Variants in ZNF385D observed in about 807,000 individuals in gnomAD.
ZNF385D encodes zinc finger protein 385D.
ZNF385D carries 15 observed loss-of-function variants against 35.8 expected under a neutral mutation model. That is an observed-to-expected ratio of 0.42 (90% CI 0.28 to 0.64). The LOEUF (loss-of-function observed/expected upper bound fraction) is 0.64. Ranked by LOEUF, ZNF385D falls within the 30% of genes least tolerant of loss-of-function variation. The pLI, the probability that ZNF385D is intolerant of heterozygous loss-of-function variation, is 0.23. For missense variants in ZNF385D, 474 were observed against 494.6 expected (o/e 0.96, Z 0.39); for synonymous variants, 212 against 186.8 (o/e 1.13, Z -1.10).
chr3:21,705,713 G>C (rs1357446601), intron 1 of ZNF385D, among the ~76,000 whole-genome samples: 1 of 152,186 alleles, frequency 6.6e-6, no homozygotes, highest in East Asian at 1.9e-4. Context: ...CCTTCTCTGT[G>C]TTCCATTGCT....
At chr3:22,209,334 G>T (rs1357108376) in intron 2 of ZNF385D, among the ~76,000 whole-genome samples, 2 of 151,832 alleles carry the variant, frequency 1.3e-5, no homozygotes, top group Admixed American at 6.6e-5. Flanking sequence ...CTTAATAGTG[G>T]AAAGTAATTA....
chr3:21,581,364 C>T (rs183597358), intron 2 of ZNF385D, among the ~76,000 whole-genome samples: 41 of 152,234 alleles, frequency 2.7e-4, no homozygotes, highest in Non-Finnish European at 2.5e-4. Context: ...GTCGGCAAAG[C>T]TAATACAGTC....
chr3:22,265,380 A>C (rs564949026), intron 2 of ZNF385D, among the ~76,000 whole-genome samples: 77 of 152,144 alleles, frequency 5.1e-4, no homozygotes, highest in African/African-American at 1.7e-3. Context: ...AAATTACAAA[A>C]AATTTTTGTG....
At chr3:22,138,702 A>T (rs193185706) in intron 3 of ZNF385D, among the ~76,000 whole-genome samples, 1,563 of 152,224 alleles carry the variant, frequency 0.01, 29 homozygotes, top group African/African-American at 0.035. Context: ...TAGACCTAAA[A>T]CCATAAAAAC....
At chr3:22,271,149 C>T (rs1299224378) in intron 2 of ZNF385D, among the ~76,000 whole-genome samples, 1 of 151,892 alleles carries the variant, frequency 6.6e-6, no homozygotes, top group Non-Finnish European at 1.5e-5. Context: ...TACCCACATT[C>T]ATTGATTTTA....
chr3:21,855,852 T>C (rs939479243), intron 3 of ZNF385D, among the ~76,000 whole-genome samples: 1 of 149,306 alleles, frequency 6.7e-6, no homozygotes, highest in Non-Finnish European at 1.5e-5. Context: ...GTGACAACTA[T>C]AATATCCTAT....
At chr3:21,680,802 C>G (rs979891122) in intron 1 of ZNF385D, among the ~76,000 whole-genome samples, 5 of 151,636 alleles carry the variant, frequency 3.3e-5, no homozygotes, top group Admixed American at 3.3e-4. Flanking sequence ...ATTAGTCTAG[C>G]CAAAATTTTA....
At chr3:22,010,103 A>C (rs542851254) in intron 3 of ZNF385D, among the ~76,000 whole-genome samples, 10 of 152,260 alleles carry the variant, frequency 6.6e-5, no homozygotes, top group African/African-American at 1.9e-4. Flanking sequence ...AGCCTATTAA[A>C]GGAAGAAAAA....
intron 1 of ZNF385D, among the ~76,000 whole-genome samples, chr3:21,695,992 G>A (rs1388436969): frequency 1.3e-5 from 2 of 152,076 alleles, no homozygotes; most frequent in Non-Finnish European, 1.5e-5. Flanking sequence ...CATCATAACA[G>A]TGCTAGTGGT....
intron 1 of ZNF385D, among the ~76,000 whole-genome samples, chr3:21,670,203 T>G (rs1327353834): frequency 6.6e-6 from 1 of 152,042 alleles, no homozygotes; most frequent in East Asian, 1.9e-4. Flanking sequence ...TATAGTATCT[T>G]TAGTATCTTT....
chr3:22,006,863 CAG>C (rs553336472), intron 3 of ZNF385D, among the ~76,000 whole-genome samples: 16 of 151,902 alleles, frequency 1.1e-4, no homozygotes, highest in Non-Finnish European at 2.2e-4. Context: ...ACAAAACCAA[CAG>C]AGAGACATCA....
intron 3 of ZNF385D, among the ~76,000 whole-genome samples, chr3:21,794,213 G>A (rs769860010): frequency 6.6e-6 from 1 of 152,056 alleles, no homozygotes; most frequent in African/African-American, 2.4e-5. Context: ...GCTGCTTGGG[G>A]AGTAGGAGTG....
chr3:21,921,004 A>G (rs868159468), intron 3 of ZNF385D, among the ~76,000 whole-genome samples: 4 of 151,924 alleles, frequency 2.6e-5, no homozygotes, highest in Non-Finnish European at 5.9e-5. Flanking sequence ...TCATGAGGTC[A>G]GGAGATGGAG....
chr3:22,077,743 C>G lies in ZNF385D; in HGVS notation c.325+91074G>C, dbSNP rs150025328. Among the ~76,000 whole-genome samples, 277 of 152,140 alleles carry G rather than the reference C, an allele frequency of 1.8e-3. 1 individual carries two copies. The highest frequency in any genetic ancestry group is 6.2e-3 in the African/African-American group (257 of 41,552). ...GCAGTTGTAGCTGCCTACATAATTTCTACCTTAGAAGCTGTTTCTAACAAC... is the reference window on the plus strand; with the variant it reads ...GCAGTTGTAGCTGCCTACATAATTTGTACCTTAGAAGCTGTTTCTAACAAC... On this transcript the variant is annotated intron_variant, in intron 3 of 5. Transcript: ENST00000494108.
At chr3:21,547,801 G>A (rs2062429295) in intron 3 of ZNF385D, among the ~76,000 whole-genome samples, 1 of 151,940 alleles carries the variant, frequency 6.6e-6, no homozygotes, top group Non-Finnish European at 1.5e-5. Flanking sequence ...ATTTTTAGTA[G>A]AAACGGGGCT....
At chr3:22,230,092 G>T (rs1016868071) in intron 2 of ZNF385D, among the ~76,000 whole-genome samples, 2 of 152,086 alleles carry the variant, frequency 1.3e-5, no homozygotes, top group Non-Finnish European at 2.9e-5. Context: ...TTAGTCCTGA[G>T]GGACAACGAT....
chr3:22,322,201 CTCT>C (rs569409991), intron 2 of ZNF385D, among the ~76,000 whole-genome samples: 232 of 152,186 alleles, frequency 1.5e-3, no homozygotes, highest in African/African-American at 4.8e-3. Flanking sequence ...TTATTTTACT[CTCT>C]TCTTCATCTT....
chr3:21,730,035 C>T (rs1354945799), intron 1 of ZNF385D, among the ~76,000 whole-genome samples: 3 of 152,146 alleles, frequency 2.0e-5, no homozygotes, highest in Non-Finnish European at 2.9e-5. Flanking sequence ...CTTTGTTTTC[C>T]TAGTGCAACT....
chr3:22,251,425 AC>A (rs1004689968), intron 2 of ZNF385D, among the ~76,000 whole-genome samples: 5 of 152,076 alleles, frequency 3.3e-5, no homozygotes, highest in Admixed American at 2.0e-4. Context: ...GTTGTACGTA[AC>A]CCCTTCCTCA....
Sources: allele counts gnomAD v4.1 joint callset (sites outside exome capture counted in the v4.1 genomes callset), GRCh38; gene constraint gnomAD v4.1.1; transcripts MANE v1.5; gene names NCBI Gene and HGNC (gene_info 2026-07-23, HGNC 2026-07-21).